SLC35D4: variants seen among roughly 807,000 people sequenced by gnomAD.
The protein encoded by SLC35D4 is UDP-N-acetylglucosamine transporter SLC35D4.
chr18:23,367,234 C>A, the SLC35D4 span, among the ~76,000 whole-genome samples: 1 of 152,012 alleles, frequency 6.6e-6, no homozygotes, highest in South Asian at 2.1e-4. Flanking sequence ...TCCTTTAATC[C>A]TTGTTTGAAT....
the SLC35D4 span, among the ~76,000 whole-genome samples, chr18:23,289,079 A>C: frequency 6.6e-6 from 1 of 152,100 alleles, no homozygotes; most frequent in South Asian, 2.1e-4. Flanking sequence ...TGCCCCAAAA[A>C]ACTTGTCATC....
At chr18:23,400,097 A>G in the SLC35D4 span, among the ~76,000 whole-genome samples, 1 of 152,220 alleles carries the variant, frequency 6.6e-6, no homozygotes, top group East Asian at 1.9e-4. Context: ...AATTGAAAAA[A>G]AGAATCCCAG....
chr18:23,311,331 A>C, the SLC35D4 span, among the ~76,000 whole-genome samples: 2 of 150,184 alleles, frequency 1.3e-5, no homozygotes, highest in South Asian at 4.2e-4. Context: ...GGCTCAAGCA[A>C]TCCCACCCGC....
At chr18:23,254,066 A>G in the SLC35D4 span, 1 of 731,722 alleles carries the variant, frequency 1.4e-6, no homozygotes, top group African/African-American at 1.8e-5. Context: ...GGTGAAGGCT[A>G]TGAAGTCTTT....
At chr18:23,420,217 T>C in the SLC35D4 span, among the ~76,000 whole-genome samples, 1 of 151,994 alleles carries the variant, frequency 6.6e-6, no homozygotes, top group African/African-American at 2.4e-5. Flanking sequence ...GCAGGAGAAT[T>C]GCTTGAACCC....
chr18:23,285,835 G>A, the SLC35D4 span, among the ~76,000 whole-genome samples: 5 of 124,536 alleles, frequency 4.0e-5, no homozygotes, highest in Non-Finnish European at 6.7e-5. Context: ...TCCCCCACCC[G>A]CCCAGCAATT....
the SLC35D4 span, among the ~76,000 whole-genome samples, chr18:23,375,296 C>T: frequency 1.3e-5 from 2 of 151,848 alleles, no homozygotes; most frequent in South Asian, 4.1e-4. Flanking sequence ...TTTTAGGAGA[C>T]ACAGTATTTA....
At chr18:23,421,263 T>C in the SLC35D4 span, 4 of 946,336 alleles carry the variant, frequency 4.2e-6, no homozygotes, top group Non-Finnish European at 6.3e-6. Flanking sequence ...AATAAGTAAA[T>C]AAATAAACCT....
the SLC35D4 span, among the ~76,000 whole-genome samples, chr18:23,344,660 G>A: frequency 1.3e-5 from 2 of 149,828 alleles, no homozygotes; most frequent in Middle Eastern, 3.2e-3. Context: ...GGAGTGCAGT[G>A]GCGCGATCTC....
chr18:23,396,009 T>C, the SLC35D4 span, among the ~76,000 whole-genome samples: 2 of 152,232 alleles, frequency 1.3e-5, no homozygotes, highest in Admixed American at 6.5e-5. Flanking sequence ...CCAGGTCTTA[T>C]TTGTCTTTAT....
At chr18:23,363,129 C>G in the SLC35D4 span, among the ~76,000 whole-genome samples, 2 of 151,244 alleles carry the variant, frequency 1.3e-5, no homozygotes, top group African/African-American at 4.9e-5. Context: ...CCTATAATCC[C>G]AGCTACTCAG....
At chr18:23,382,316 G>C in the SLC35D4 span, among the ~76,000 whole-genome samples, 1 of 151,246 alleles carries the variant, frequency 6.6e-6, no homozygotes. Flanking sequence ...GACAGGTCAG[G>C]TTCCCAGAGC....
chr18:23,423,450 C>T, the SLC35D4 span, among the ~76,000 whole-genome samples: 14 of 152,246 alleles, frequency 9.2e-5, no homozygotes, highest in African/African-American at 1.7e-4. Flanking sequence ...GGGAGAGGAG[C>T]GGAAGGTATG....
At chr18:23,272,458 AATATACT>A in the SLC35D4 span, among the ~76,000 whole-genome samples, 1 of 152,114 alleles carries the variant, frequency 6.6e-6, no homozygotes, top group African/African-American at 2.4e-5. Context: ...AAAATAAGTA[AATATACT>A]TATTTTTAAT....
chr18:23,364,235 G>A, the SLC35D4 span, among the ~76,000 whole-genome samples: 1 of 152,114 alleles, frequency 6.6e-6, no homozygotes, highest in African/African-American at 2.4e-5. Context: ...TTCTAGATGC[G>A]AAAACTGAGA....
At chr18:23,242,014 G>A in the SLC35D4 span, among the ~76,000 whole-genome samples, 5 of 152,148 alleles carry the variant, frequency 3.3e-5, no homozygotes, top group Admixed American at 6.5e-5. Flanking sequence ...AGTGGCTCAC[G>A]CCTGTAATCC....
chr18:23,253,834 A>T, the SLC35D4 span: 4 of 1,614,240 alleles, frequency 2.5e-6, no homozygotes, highest in Middle Eastern at 4.9e-4. Flanking sequence ...TCAAGGGGAA[A>T]CTCAACAAAC....
At chr18:23,318,615 T>C in the SLC35D4 span, among the ~76,000 whole-genome samples, 1 of 152,208 alleles carries the variant, frequency 6.6e-6, no homozygotes, top group Non-Finnish European at 1.5e-5. Context: ...AAACATTATA[T>C]TTTACTTTAC....
chr18:23,372,225 C>T, the SLC35D4 span, among the ~76,000 whole-genome samples: 5 of 152,106 alleles, frequency 3.3e-5, no homozygotes, highest in South Asian at 2.1e-4. Context: ...CGTGAGCCAC[C>T]GCGCCCAGCC....
Sources: gnomAD v4.1 joint callset for allele counts (sites outside exome capture counted in the v4.1 genomes callset) on GRCh38, gnomAD v4.1.1 for gene constraint, MANE v1.5 for transcripts, NCBI Gene and HGNC (gene_info 2026-07-23, HGNC 2026-07-21) for gene names.